The following AXIN2 variants were observed in gnomAD, a reference collection of about 807,000 sequenced individuals.
AXIN2 encodes axin 2.
AXIN2 carries 21 observed loss-of-function variants against 74.7 expected under a neutral mutation model. That is an observed-to-expected ratio of 0.28 (90% CI 0.20 to 0.40). The LOEUF is 0.40. Ranked by LOEUF, AXIN2 falls within the 10% of genes least tolerant of loss-of-function variation. The pLI, the probability that AXIN2 is intolerant of heterozygous loss-of-function variation, is 1.00. For missense variants in AXIN2, 1,144 were observed against 1,111.1 expected (o/e 1.03, Z -0.42); for synonymous variants, 532 against 454.9 (o/e 1.17, Z -2.16).
At chr17:65,546,711 T>C (rs1287965741) in intron 3 of AXIN2, among the ~76,000 whole-genome samples, 3 of 152,108 alleles carry the variant, frequency 2.0e-5, no homozygotes, top group Non-Finnish European at 2.9e-5. Flanking sequence ...GCGCACTTGA[T>C]TGGGAGAGGG....
chr17:65,561,538 C>T lies in AXIN2; in HGVS notation c.-205G>A, dbSNP rs2044376557. ...GAGGGGTTATTTTTATTTCCCGGCTCTCGGGCTGTTACTGAGTTGCCAGGA... is the reference window on the plus strand; with the variant it reads ...GAGGGGTTATTTTTATTTCCCGGCTTTCGGGCTGTTACTGAGTTGCCAGGA... On this transcript the variant is annotated 5_prime_UTR_variant, in exon 1 of 11. Transcript: ENST00000307078. 6.6e-6 allele frequency: 1 copy of T among 151,016 alleles called. No homozygotes were observed. The allele number at this position is 151,016 out of a possible 1,614,324, so 9.4% of individuals were successfully genotyped here.
At chr17:65,530,197 G>T (rs2043793465) in intron 10 of AXIN2, 95 bp from the exon 11 acceptor site, 3 of 1,550,902 alleles carry the variant, frequency 1.9e-6, no homozygotes, top group Admixed American at 1.7e-5. Flanking sequence ...AGGTATCCTA[G>T]GAATTTGCTA....
intron 2 of AXIN2, among the ~76,000 whole-genome samples, chr17:65,556,210 G>A (rs1427239110): frequency 6.6e-6 from 1 of 152,198 alleles, no homozygotes. Flanking sequence ...TTACGAAGGT[G>A]ACACTCTGGT....
rs2144463605 is a variant in AXIN2 at position 65,537,627 on chromosome 17, T to G, written c.1409A>C (p.His470Pro). 1.3e-6 allele frequency: 2 copies of G among 1,592,340 alleles called. No individual in the cohort carries two copies. Among genetic ancestry groups the G allele is most frequent in the Non-Finnish European group, 8.5e-7 (1 of 1,171,686 alleles). ...YSPRSRSPDH[H>P]HHHHSQYHSL... is the part of the protein sequence containing the mutation. ...GTGGTACTGCGAATGGTGGTGGTGG[T>G]GGTGGTCCGGGGAGCGGGAGCGGGG... is the stretch of plus-strand genomic sequence containing the variant. Residue 470 changes from histidine to proline, a missense_variant, in exon 6 of 11, where the codon CAC becomes CCC. By Grantham distance (77) the His-to-Pro change is moderately conservative. Transcript: ENST00000307078.
In AXIN2 at chr17:65,541,456, G is replaced by C; in HGVS notation, c.1058C>G (p.Pro353Arg). 1 of 1,612,934 alleles carries C rather than the reference G, an allele frequency of 6.2e-7. No individual in the cohort carries two copies. The highest frequency in any genetic ancestry group is 1.3e-5 in the African/African-American group (1 of 75,014). The change falls in exon 4 of 11, where the codon CCG (proline) becomes CGG (arginine). Residue 353 changes from proline (P) to arginine (R), a missense_variant and splice_region_variant. By Grantham distance (103) the Pro-to-Arg change is moderately radical. Transcript: ENST00000307078. The stretch of plus-strand genomic sequence containing the variant: ...CTCCTCACTCCAGACTGTACTCACC[G>C]GGAAATGAGGTAGAGACACTTGGCC... ...ANGQVSLPHFPRTHRLPKEMT... is the reference protein window; with the variant it reads ...ANGQVSLPHFRRTHRLPKEMT...
intron 2 of AXIN2, among the ~76,000 whole-genome samples, chr17:65,556,368 G>T (rs1348150904): frequency 6.6e-6 from 1 of 152,134 alleles, no homozygotes; most frequent in African/African-American, 2.4e-5. Context: ...TCTCATAATG[G>T]GGCGGGCAGG....
At chr17:65,536,654 A>G in intron 7 of AXIN2, 101 bp from the exon 8 acceptor site, 1 of 1,440,422 alleles carries the variant, frequency 6.9e-7, no homozygotes, top group Non-Finnish European at 9.7e-7. Flanking sequence ...CTGCTCAGAG[A>G]GAGAGTTAAA....
intron 2 of AXIN2, among the ~76,000 whole-genome samples, chr17:65,551,450 G>A (rs998770237): frequency 6.6e-6 from 1 of 152,174 alleles, no homozygotes; most frequent in Non-Finnish European, 1.5e-5. Flanking sequence ...GAGGGGCCAG[G>A]AGGCCAGGGG....
chr17:65,529,195 T>A lies in AXIN2; in HGVS notation c.*781A>T, dbSNP rs1205334403. On this transcript the variant is annotated 3_prime_UTR_variant, in exon 11 of 11. Transcript: ENST00000307078. ...GAGGCTACATGAGGGGGAGCCTCAGTCACAGGATCAACCTGGGGCCCGAAG... is the reference window on the plus strand; with the variant it reads ...GAGGCTACATGAGGGGGAGCCTCAGACACAGGATCAACCTGGGGCCCGAAG... The A allele has an allele frequency of 4.3e-6, 1 of 234,430 alleles. No individual in the cohort carries two copies. 14.5% of individuals were successfully genotyped at this position (234,430 alleles called of 1,614,324 possible).
intron 2 of AXIN2, among the ~76,000 whole-genome samples, chr17:65,557,376 T>C (rs1169123657): frequency 6.6e-6 from 1 of 152,188 alleles, no homozygotes; most frequent in Non-Finnish European, 1.5e-5. Flanking sequence ...TTATTTCCTG[T>C]GCCTCCACCA....
At position 65,536,507 on chromosome 17, in the gene AXIN2, A is replaced by G. The variant is rs917901663; in HGVS notation, c.1954T>C (p.Ser652Pro). ...KAYPLESARS[S>P]PGERASRHHL... is the part of the protein sequence containing the mutation. ...TGCCGGCTGGCTCGTTCGCCTGGAG[A>G]CGAGCGGGCAGACTCCAAGGGGTAG... The change falls in exon 8 of 11, where the codon TCT becomes CCT. Residue 652 changes from serine to proline, a missense_variant. Physicochemically the swap from Ser to Pro is moderately conservative, Grantham distance 74 (BLOSUM62 -1). Transcript: ENST00000307078. The G allele has an allele frequency of 9.3e-6, 15 of 1,613,844 alleles. No homozygotes were observed. The highest frequency in any genetic ancestry group is 1.2e-5 in the Non-Finnish European group (14 of 1,180,014).
chr17:65,540,407 G>C (rs2044023980), intron 4 of AXIN2, among the ~76,000 whole-genome samples: 1 of 152,184 alleles, frequency 6.6e-6, no homozygotes, highest in Non-Finnish European at 1.5e-5. Context: ...GAAATACAGT[G>C]AGCTCACCAA....
At chr17:65,530,793 T>C (rs934500329) in intron 10 of AXIN2, among the ~76,000 whole-genome samples, 1 of 152,140 alleles carries the variant, frequency 6.6e-6, no homozygotes, top group Non-Finnish European at 1.5e-5. Context: ...TCTTCTCCCA[T>C]CCCATCCCTC....
rs773001468 is a variant in AXIN2 at position 65,537,854 on chromosome 17, G to A, written c.1201-19C>T. The A allele has an allele frequency of 1.4e-5, 21 of 1,530,294 alleles. No individual in the cohort carries two copies. In the African/African-American group the frequency reaches 1.4e-4, roughly 10 times the overall value. 94.8% of individuals were successfully genotyped at this position (1,530,294 alleles called of 1,614,324 possible). On this transcript the variant is annotated intron_variant, in intron 5 of 10. Transcript: ENST00000307078. Reference sequence around the variant, plus strand: ...CTTCATCCTGAAAGGGAAGACGTCAGAAGGAGAAGTGACCCAGGAAGCAGA... The same window carrying A: ...CTTCATCCTGAAAGGGAAGACGTCAAAAGGAGAAGTGACCCAGGAAGCAGA...
In AXIN2 at chr17:65,529,342, A is replaced by AG. The variant is rs2043778332; in HGVS notation, c.*633dup. On this transcript the variant is annotated 3_prime_UTR_variant, in exon 11 of 11. Transcript: ENST00000307078. The stretch of plus-strand genomic sequence containing the variant: ...CCTTTAAGACAAAACAGAGCAGCAT[A>AG]GGAAAAAAAAAAACAAAACGCACCA... The AG allele has an allele frequency of 8.3e-6, 2 of 240,168 alleles. No homozygotes were observed. The highest frequency in any genetic ancestry group is 4.5e-5 in the African/African-American group (2 of 44,868). The allele number at this position is 240,168 out of a possible 1,614,324, so 14.9% of individuals were successfully genotyped here. A position where few individuals can be genotyped will look rare whatever the true frequency, so the allele number is the denominator to read the frequency against.
At chr17:65,553,268 C>T (rs925089223) in intron 2 of AXIN2, among the ~76,000 whole-genome samples, 4 of 152,154 alleles carry the variant, frequency 2.6e-5, no homozygotes, top group Admixed American at 2.6e-4. Flanking sequence ...GCTGACTCTC[C>T]TTAAAGGACC....
At chr17:65,539,496 GA>G (rs1163426806) in intron 4 of AXIN2, among the ~76,000 whole-genome samples, 1 of 152,172 alleles carries the variant, frequency 6.6e-6, no homozygotes, top group African/African-American at 2.4e-5. Flanking sequence ...AAGCTTGGGC[GA>G]TAGAACTTTT....
In AXIN2 at chr17:65,537,342, A is replaced by G. The variant is rs534983760; in HGVS notation, c.1694T>C (p.Met565Thr). Reference protein sequence around the residue: ...CKSHSKAPETMPSEQFGGSRG... With the variant: ...CKSHSKAPETTPSEQFGGSRG... ...CACTTACCCAAACTGCTCGCTGGGC[A>G]TGGTTTCCGGAGCCTTGGAGTGGCT... The change falls in exon 6 of 11, where the codon ATG becomes ACG. Residue 565 changes from methionine (M) to threonine (T), a missense_variant. Met to Thr is a moderately conservative substitution (Grantham distance 81). Transcript: ENST00000307078. The G allele has an allele frequency of 1.9e-6, 3 of 1,614,120 alleles. No homozygotes were observed. The highest frequency in any genetic ancestry group is 2.7e-5 in the African/African-American group (2 of 75,048).
intron 3 of AXIN2, among the ~76,000 whole-genome samples, chr17:65,545,066 G>A (rs1361373104): frequency 6.6e-6 from 1 of 152,128 alleles, no homozygotes; most frequent in Non-Finnish European, 1.5e-5. Flanking sequence ...AATAACTCGC[G>A]ACATTCCCTG....
Sources: gnomAD v4.1 joint callset for allele counts (sites outside exome capture counted in the v4.1 genomes callset) on GRCh38, gnomAD v4.1.1 for gene constraint, MANE v1.5 for transcripts, NCBI Gene and HGNC (gene_info 2026-07-23, HGNC 2026-07-21) for gene names.